Variants in ADGRL3 observed in about 807,000 individuals in gnomAD.
ADGRL3 encodes the protein calcium-independent alpha-latrotoxin receptor 3.
Under a neutral mutation model 153.5 loss-of-function variants are expected in ADGRL3, and 62 were observed. That is an observed-to-expected ratio of 0.40 (90% confidence interval 0.33 to 0.50). The LOEUF (loss-of-function observed/expected upper bound fraction) is 0.50, where lower values mean the gene tolerates loss of function less well. Ranked by LOEUF, ADGRL3 falls within the 20% of genes least tolerant of loss-of-function variation. ADGRL3 has a pLI of 0.47. For synonymous variants in ADGRL3, 710 were observed against 672.5 expected, an observed-to-expected ratio of 1.06 and a Z score of -0.86; for missense variants, 1,641 against 1,859.4, an observed-to-expected ratio of 0.88 and a Z score of 2.16.
intron 25 of ADGRL3, among the ~76,000 whole-genome samples, chr4:62,047,215 A>G (rs1346496761): frequency 6.6e-6 from 1 of 151,372 alleles, no homozygotes; most frequent in Admixed American, 6.6e-5. Flanking sequence ...TGAATCTCTT[A>G]TTTTTGTCTT....
At chr4:61,999,961 G>A (rs959091641) in intron 21 of ADGRL3, among the ~76,000 whole-genome samples, 2 of 152,046 alleles carry the variant, frequency 1.3e-5, no homozygotes, top group African/African-American at 2.4e-5. Context: ...CAATTAAACT[G>A]TCCTTCTAAA....
intron 6 of ADGRL3, among the ~76,000 whole-genome samples, chr4:61,685,091 A>C (rs961448297): frequency 6.6e-6 from 1 of 151,608 alleles, no homozygotes; most frequent in South Asian, 2.1e-4. Context: ...AATTTTTTTA[A>C]TTTTTAGTAG....
At chr4:61,792,392 A>G (rs2097353831) in intron 8 of ADGRL3, among the ~76,000 whole-genome samples, 1 of 151,802 alleles carries the variant, frequency 6.6e-6, no homozygotes, top group African/African-American at 2.4e-5. Flanking sequence ...TTTAACCTGG[A>G]CCTTATTCAT....
chr4:61,363,669 T>A (rs1380075088), intron 1 of ADGRL3, among the ~76,000 whole-genome samples: 1 of 152,192 alleles, frequency 6.6e-6, no homozygotes, highest in African/African-American at 2.4e-5. Flanking sequence ...GATGTACATA[T>A]GAAACATCAA....
Position 61,334,695 on chromosome 4 carries a change from G to T in ADGRL3, c.-239-48429G>T, listed in dbSNP as rs183830481. ...TTTACTATGTTAATTGCTTTTTTGG[G>T]TTAGGAACACGAAACCTGAAAAAAA... is the stretch of plus-strand genomic sequence containing the variant. On this transcript the variant is annotated intron_variant, in intron 1 of 26. Coordinates refer to ENST00000683033, the MANE Select transcript of ADGRL3 (RefSeq NM_001387552.1). Among the ~76,000 whole-genome samples, 216 of 152,030 alleles carry T rather than the reference G, an allele frequency of 1.4e-3. 1 individual carries two copies. Among genetic ancestry groups the T allele is most frequent in the African/African-American group, 5.1e-3 (213 of 41,518 alleles).
intron 4 of ADGRL3, among the ~76,000 whole-genome samples, chr4:61,566,996 TG>T (rs575383130): frequency 2.0e-5 from 3 of 152,182 alleles, no homozygotes; most frequent in Non-Finnish European, 4.4e-5. Flanking sequence ...CTTCCCATGT[TG>T]TATGATAAGG....
chr4:61,890,949 TGCAAA>T (rs2098577905), intron 9 of ADGRL3, among the ~76,000 whole-genome samples: 1 of 38,272 alleles, frequency 2.6e-5, no homozygotes, highest in Non-Finnish European at 5.1e-5. Flanking sequence ...TTATTATATA[TGCAAA>T]TTATATATAT....
chr4:61,342,216 T>C (rs2095820720), intron 1 of ADGRL3, among the ~76,000 whole-genome samples: 1 of 152,138 alleles, frequency 6.6e-6, no homozygotes. Flanking sequence ...TAACTCCTTA[T>C]GTGTATAGGC....
chr4:61,914,300 A>G (rs1464462486), intron 13 of ADGRL3, among the ~76,000 whole-genome samples: 1 of 152,156 alleles, frequency 6.6e-6, no homozygotes, highest in Non-Finnish European at 1.5e-5. Flanking sequence ...AGGGAAGGAA[A>G]GATTTCTTTT....
At chr4:61,845,531 C>CT (rs77188989) in intron 9 of ADGRL3, among the ~76,000 whole-genome samples, 2,085 of 139,250 alleles carry the variant, frequency 0.015, 26 homozygotes, top group African/African-American at 0.036. Context: ...TAATTTTTTT[C>CT]TTTTTTTTTT....
At chr4:61,735,467 T>G (rs779247469) in intron 8 of ADGRL3, among the ~76,000 whole-genome samples, 1 of 152,144 alleles carries the variant, frequency 6.6e-6, no homozygotes, top group Non-Finnish European at 1.5e-5. Flanking sequence ...ACAGGTAAGG[T>G]TTTTTGTTTG....
intron 9 of ADGRL3, among the ~76,000 whole-genome samples, chr4:61,879,988 A>C (rs1216268026): frequency 2.0e-5 from 3 of 152,148 alleles, no homozygotes; most frequent in African/African-American, 7.2e-5. Context: ...AGCATCCCAA[A>C]TTCTTGAGAT....
intron 1 of ADGRL3, among the ~76,000 whole-genome samples, chr4:61,247,254 A>G (rs926274960): frequency 1.3e-5 from 2 of 152,066 alleles, no homozygotes; most frequent in Non-Finnish European, 2.9e-5. Flanking sequence ...GCTGGGTACA[A>G]CACATAAAGA....
chr4:61,637,286 C>A (rs2093465714), intron 5 of ADGRL3, among the ~76,000 whole-genome samples: 1 of 152,124 alleles, frequency 6.6e-6, no homozygotes, highest in South Asian at 2.1e-4. Flanking sequence ...TGCACACACA[C>A]ATAGGTAGAA....
intron 5 of ADGRL3, among the ~76,000 whole-genome samples, chr4:61,631,619 C>G (rs2150028762): frequency 6.6e-6 from 1 of 152,162 alleles, no homozygotes; most frequent in South Asian, 2.1e-4. Context: ...ATAATTATTA[C>G]AAAATAGCAC....
intron 9 of ADGRL3, among the ~76,000 whole-genome samples, chr4:61,838,046 C>CA (rs1329518397): frequency 2.1e-4 from 32 of 150,080 alleles, no homozygotes; most frequent in Non-Finnish European, 1.5e-5. Flanking sequence ...GGGGAGGGAG[C>CA]AAAAAAAAGA....
intron 19 of ADGRL3, among the ~76,000 whole-genome samples, chr4:61,990,665 C>T (rs897018008): frequency 2.0e-5 from 3 of 151,840 alleles, no homozygotes; most frequent in Non-Finnish European, 4.4e-5. Flanking sequence ...AGACCTGTTT[C>T]AGTAATCTGT....
chr4:61,483,606 G>A (rs1026348028), intron 2 of ADGRL3, among the ~76,000 whole-genome samples: 13 of 151,882 alleles, frequency 8.6e-5, no homozygotes, highest in Middle Eastern at 3.4e-3. Flanking sequence ...GCATGGTGGC[G>A]CATGCCTGTA....
At chr4:61,288,345 C>T (rs1185358944) in intron 1 of ADGRL3, among the ~76,000 whole-genome samples, 1 of 149,562 alleles carries the variant, frequency 6.7e-6, no homozygotes, top group Admixed American at 6.8e-5. Flanking sequence ...CCAAAGTGGT[C>T]CCTGTGATGG....
Sources: allele counts gnomAD v4.1 joint callset (sites outside exome capture counted in the v4.1 genomes callset), GRCh38; gene constraint gnomAD v4.1.1; transcripts MANE v1.5; gene names NCBI Gene and HGNC (gene_info 2026-07-23, HGNC 2026-07-21).